FAM13B: variants seen among roughly 807,000 people sequenced by gnomAD.
The protein encoded by FAM13B is protein FAM13B.
Under a neutral mutation model 117.3 loss-of-function variants are expected in FAM13B, and 60 were observed. That is an observed-to-expected ratio of 0.51 (90% CI 0.42 to 0.63). The LOEUF (loss-of-function observed/expected upper bound fraction) is 0.63, where lower values mean the gene tolerates loss of function less well. Ranked by LOEUF, FAM13B falls within the 30% of genes least tolerant of loss-of-function variation. The pLI, the probability that FAM13B is intolerant of heterozygous loss-of-function variation, is 0.00. For missense variants in FAM13B, 972 were observed against 1,091.9 expected (o/e 0.89, Z 1.55); for synonymous variants, 332 against 356.1 (o/e 0.93, Z 0.76).
intron 7 of FAM13B, among the ~76,000 whole-genome samples, chr5:137,992,784 A>T (rs1437143973): frequency 6.6e-6 from 1 of 152,216 alleles, no homozygotes; most frequent in Non-Finnish European, 1.5e-5. Flanking sequence ...CACTGTTAGT[A>T]GGGATGTAAA....
intron 17 of FAM13B, among the ~76,000 whole-genome samples, chr5:137,949,555 G>A (rs1581060813): frequency 3.9e-5 from 6 of 152,108 alleles, no homozygotes; most frequent in Admixed American, 2.6e-4. Flanking sequence ...CAAGGTGGGT[G>A]GATCACTTGA....
intron 1 of FAM13B, among the ~76,000 whole-genome samples, chr5:138,046,864 G>C (rs1791654545): frequency 6.6e-6 from 1 of 151,958 alleles, no homozygotes; most frequent in Admixed American, 6.6e-5. Flanking sequence ...CTCTGCCTCA[G>C]CCTCCCGAGT....
rs1297705442 is a variant in FAM13B at position 137,946,013 on chromosome 5, A to G, written c.2245-16T>C. ...CCTTGGTCACCTGAAGCAAGAAAAAAAAGAAATTGTCTAGTCATCACAAAT... is the reference window on the plus strand; with the variant it reads ...CCTTGGTCACCTGAAGCAAGAAAAAGAAGAAATTGTCTAGTCATCACAAAT... On this transcript the variant is annotated splice_polypyrimidine_tract_variant and intron_variant, in intron 19 of 23. Coordinates refer to ENST00000689681, the MANE Select transcript of FAM13B (RefSeq NM_001385994.1). 1.3e-6 allele frequency: 2 copies of G among 1,595,370 alleles called. No homozygotes were observed. Among genetic ancestry groups the G allele is most frequent in the African/African-American group, 2.7e-5 (2 of 74,310 alleles).
At chr5:137,972,873 A>G (rs1466548362) in intron 10 of FAM13B, among the ~76,000 whole-genome samples, 1 of 152,022 alleles carries the variant, frequency 6.6e-6, no homozygotes, top group Non-Finnish European at 1.5e-5. Flanking sequence ...TTCAAAGAGA[A>G]TAAAATACCT....
chr5:138,041,319 T>C lies in FAM13B; in HGVS notation c.-203+10559A>G, dbSNP rs536129805. On this transcript the variant is annotated intron_variant, in intron 1 of 3. Coordinates refer to the FAM13B transcript ENST00000502471. ...AATAATGGCAACAATATCTAAATTCTACTATTGTTCAATAATTTAACATAT... is the reference window on the plus strand; with the variant it reads ...AATAATGGCAACAATATCTAAATTCCACTATTGTTCAATAATTTAACATAT... Among the ~76,000 whole-genome samples, 13 of 152,316 alleles carry C rather than the reference T, an allele frequency of 8.5e-5. No individual in the cohort carries two copies. In the South Asian group the frequency reaches 2.7e-3, roughly 32 times the overall value.
chr5:138,044,714 A>T (rs1179137157), intron 1 of FAM13B, among the ~76,000 whole-genome samples: 2 of 152,250 alleles, frequency 1.3e-5, no homozygotes, highest in Non-Finnish European at 2.9e-5. Flanking sequence ...AAAGTTAGCT[A>T]CAAAACATTC....
Position 137,971,496 on chromosome 5 carries a change from A to G in FAM13B, c.1180-9027T>C, listed in dbSNP as rs1281528978. On this transcript the variant is annotated intron_variant, in intron 10 of 23. Transcript: ENST00000689681. Reference sequence around the variant, plus strand: ...GGGAAATTTATAGCACTAAATGTCCACAAGAGAAAGCAGGAAAGATCTAAA... The same window carrying G: ...GGGAAATTTATAGCACTAAATGTCCGCAAGAGAAAGCAGGAAAGATCTAAA... Among the ~76,000 whole-genome samples the G allele has an allele frequency of 2.0e-5, 3 of 147,770 alleles. No individual in the cohort carries two copies. In the East Asian group the frequency reaches 6.0e-4, roughly 30 times the overall value.
chr5:137,956,452 C>A (rs77946906), intron 14 of FAM13B, 25 bp downstream of exon 14: 3 of 1,419,118 alleles, frequency 2.1e-6, no homozygotes, highest in Non-Finnish European at 2.8e-6. Flanking sequence ...GGCAAAAAAA[C>A]TAAACTATGG....
intron 10 of FAM13B, among the ~76,000 whole-genome samples, chr5:137,973,811 T>TA (rs1773065768): frequency 1.5e-5 from 2 of 132,352 alleles, no homozygotes; most frequent in South Asian, 5.6e-4. Context: ...AACAGACACT[T>TA]CTCAAAAGAA....
chr5:138,043,793 C>T (rs1180408944), intron 1 of FAM13B, among the ~76,000 whole-genome samples: 1 of 151,924 alleles, frequency 6.6e-6, no homozygotes, highest in Non-Finnish European at 1.5e-5. Flanking sequence ...CCAGGCTGGT[C>T]TCAAACTCCT....
At chr5:137,951,877 T>A (rs1765147546) in intron 17 of FAM13B, among the ~76,000 whole-genome samples, 1 of 151,884 alleles carries the variant, frequency 6.6e-6, no homozygotes. Context: ...CTCGGGAGGC[T>A]AAGGCACAAG....
At chr5:137,973,439 A>G (rs1248675124) in intron 10 of FAM13B, among the ~76,000 whole-genome samples, 5 of 152,120 alleles carry the variant, frequency 3.3e-5, no homozygotes, top group Non-Finnish European at 5.9e-5. Context: ...CCTTCCTTAC[A>G]CCTTATACAA....
intron 7 of FAM13B, among the ~76,000 whole-genome samples, chr5:138,005,053 C>G (rs1053770124): frequency 7.9e-5 from 12 of 152,010 alleles, no homozygotes; most frequent in African/African-American, 2.4e-4. Context: ...GCCTGGGCAA[C>G]ATGGTGAAAC....
At chr5:138,005,972 C>G (rs1227854520) in intron 7 of FAM13B, among the ~76,000 whole-genome samples, 1 of 151,378 alleles carries the variant, frequency 6.6e-6, no homozygotes, top group Non-Finnish European at 1.5e-5. Flanking sequence ...GATCTCGACT[C>G]ACTGCAAGCT....
chr5:137,959,473 C>T, intron 13 of FAM13B, 143 bp downstream of exon 13: 2 of 840,366 alleles, frequency 2.4e-6, no homozygotes, highest in Non-Finnish European at 3.7e-6. Context: ...AAAACACCCA[C>T]TTGTTCATCT....
At chr5:137,973,212 T>C (rs1323879924) in intron 10 of FAM13B, among the ~76,000 whole-genome samples, 1 of 152,156 alleles carries the variant, frequency 6.6e-6, no homozygotes, top group East Asian at 1.9e-4. Context: ...CAAACTATAC[T>C]ATAAGGCTAC....
At chr5:138,004,938 T>A (rs995927874) in intron 7 of FAM13B, among the ~76,000 whole-genome samples, 2 of 152,130 alleles carry the variant, frequency 1.3e-5, no homozygotes, top group African/African-American at 4.8e-5. Context: ...AGCAGAGCTC[T>A]AAATTAACAA....
rs1785810624 is a variant in FAM13B, at chr5:138,018,525, T to A, written c.158-11A>T. On this transcript the variant is annotated splice_polypyrimidine_tract_variant and intron_variant, in intron 3 of 23. Coordinates refer to ENST00000689681, the MANE Select transcript of FAM13B (RefSeq NM_001385994.1). ...GTTGCTCCAGACCTCCTACGTTAGT[T>A]CAAGGCAATCATTCAATAAGCTGCA... 2 of 1,610,324 alleles carry A rather than the reference T, an allele frequency of 1.2e-6. No individual in the cohort carries two copies. Among genetic ancestry groups the A allele is most frequent in the East Asian group, 4.5e-5 (2 of 44,842 alleles).
chr5:137,969,698 G>A (rs978851181), intron 10 of FAM13B, among the ~76,000 whole-genome samples: 8 of 152,046 alleles, frequency 5.3e-5, no homozygotes, highest in Non-Finnish European at 1.2e-4. Context: ...AGGCAAAGAA[G>A]TTGAAAACTT....
Sources: gnomAD v4.1 joint callset for allele counts (sites outside exome capture counted in the v4.1 genomes callset) on GRCh38, gnomAD v4.1.1 for gene constraint, MANE v1.5 for transcripts, NCBI Gene and HGNC (gene_info 2026-07-23, HGNC 2026-07-21) for gene names.